The following SEPTIN11 variants were observed in gnomAD, a reference collection of about 807,000 sequenced individuals.
The protein encoded by SEPTIN11 is septin-11.
SEPTIN11 carries 25 observed loss-of-function variants against 51.4 expected under a neutral mutation model. That is an observed-to-expected ratio of 0.49 (90% CI 0.35 to 0.68). The LOEUF is 0.68. Ranked by LOEUF, SEPTIN11 falls within the 30% of genes least tolerant of loss-of-function variation. SEPTIN11 has a pLI of 0.00. For synonymous variants in SEPTIN11, 174 were observed against 184.1 expected (o/e 0.95, Z 0.44); for missense variants, 381 against 520.8 (o/e 0.73, Z 2.61).
At chr4:77,016,583 C>CATATATATACACACACAT (rs1560735900) in intron 5 of SEPTIN11, among the ~76,000 whole-genome samples, 71 of 90,496 alleles carry the variant, frequency 7.8e-4, no homozygotes, top group African/African-American at 2.4e-3. Flanking sequence ...ATATATATAG[C>CATATATATACACACACAT]ATATATATAC....
At chr4:77,004,638 C>T (rs911018514) in intron 2 of SEPTIN11, among the ~76,000 whole-genome samples, 4 of 152,126 alleles carry the variant, frequency 2.6e-5, no homozygotes, top group African/African-American at 9.7e-5. Flanking sequence ...AACAGTAGTA[C>T]CTATTTCATG....
At chr4:77,034,203 A>G (rs967470903) in intron 9 of SEPTIN11, among the ~76,000 whole-genome samples, 1 of 152,240 alleles carries the variant, frequency 6.6e-6, no homozygotes, top group African/African-American at 2.4e-5. Context: ...GAGAAAACAA[A>G]AGCCAAACAG....
chr4:77,011,158 A>G (rs1724834603), intron 3 of SEPTIN11, among the ~76,000 whole-genome samples: 1 of 152,134 alleles, frequency 6.6e-6, no homozygotes, highest in African/African-American at 2.4e-5. Flanking sequence ...GACAGCCCCC[A>G]TCTCTGGAGG....
rs1553966571 is a variant in SEPTIN11 at position 76,956,962 on chromosome 4, A to ATGTGTGTGTGTGTT, written c.27+7045_27+7046insTTGTGTGTGTGTGT. Among the ~76,000 whole-genome samples the ATGTGTGTGTGTGTT allele has an allele frequency of 1.5e-3, 180 of 119,196 alleles. 1 individual carries two copies. The Middle Eastern group carries it at 0.016, about 11-fold the overall frequency. The allele number at this position is 119,196 out of a possible 152,430, so 78.2% of individuals were successfully genotyped here. On this transcript the variant is annotated intron_variant, in intron 1 of 9. Coordinates refer to ENST00000264893, the MANE Select transcript of SEPTIN11 (RefSeq NM_018243.4). ...GATTCTAGCTGGGCATAGTAGAATG[A>ATGTGTGTGTGTGTT]TGTGTGTGTGTGTGTGTGTGTGTGT...
Position 77,034,704 on chromosome 4 carries a change from C to T in SEPTIN11, c.*192C>T, listed in dbSNP as rs929669920. On this transcript the variant is annotated 3_prime_UTR_variant, in exon 10 of 10. Coordinates refer to ENST00000264893, the MANE Select transcript of SEPTIN11 (RefSeq NM_018243.4). The stretch of plus-strand genomic sequence containing the variant: ...GAAAATGATAGAACAAGGGAATAAC[C>T]GCGAATGCTCTGTGCAGCTGGACTC... The T allele has an allele frequency of 5.6e-5, 73 of 1,306,562 alleles. No homozygotes were observed. The highest frequency in any genetic ancestry group is 1.6e-4 in the Admixed American group (4 of 24,334). The allele number at this position is 1,306,562 out of a possible 1,614,324, so 80.9% of individuals were successfully genotyped here. A position where few individuals can be genotyped will look rare whatever the true frequency, so the allele number is the denominator to read the frequency against.
intron 1 of SEPTIN11, among the ~76,000 whole-genome samples, chr4:76,994,597 A>G (rs372234652): frequency 2.0e-5 from 3 of 152,208 alleles, no homozygotes; most frequent in African/African-American, 4.8e-5. Flanking sequence ...ATTGACCTCA[A>G]ATCTGCAGCT....
intron 1 of SEPTIN11, among the ~76,000 whole-genome samples, chr4:76,959,550 C>A (rs1721732571): frequency 6.6e-6 from 1 of 151,862 alleles, no homozygotes; most frequent in African/African-American, 2.4e-5. Context: ...ATCTATAGTG[C>A]CTATTTTGTT....
chr4:77,005,248 T>C (rs1010012302), intron 2 of SEPTIN11, among the ~76,000 whole-genome samples: 1 of 152,238 alleles, frequency 6.6e-6, no homozygotes, highest in Non-Finnish European at 1.5e-5. Flanking sequence ...AGATTTATAC[T>C]CTAACATTTA....
intron 1 of SEPTIN11, among the ~76,000 whole-genome samples, chr4:76,995,055 C>A (rs1343467614): frequency 6.7e-6 from 1 of 149,296 alleles, no homozygotes; most frequent in Non-Finnish European, 1.5e-5. Context: ...CCACTGCACT[C>A]CAGCCTGAGT....
At position 77,036,904 on chromosome 4, in the gene SEPTIN11, A is replaced by G; in HGVS notation, c.*2392A>G. 1 of 1,363,230 alleles carries G rather than the reference A, an allele frequency of 7.3e-7. No homozygotes were observed. Among genetic ancestry groups the G allele is most frequent in the Non-Finnish European group, 9.4e-7 (1 of 1,063,664 alleles). The allele number at this position is 1,363,230 out of a possible 1,614,324, so 84.4% of individuals were successfully genotyped here. ...TTCAAAATTAGAGAAAGCAAATGGG[A>G]TGGATAGATTTTTTTTTTCTTTTCA... On this transcript the variant is annotated 3_prime_UTR_variant, in exon 10 of 10. Transcript: ENST00000264893.
At chr4:76,968,122 C>T (rs963499998) in intron 1 of SEPTIN11, among the ~76,000 whole-genome samples, 12 of 152,152 alleles carry the variant, frequency 7.9e-5, no homozygotes, top group Non-Finnish European at 1.5e-5. Context: ...GTTCCAATGA[C>T]AGTTAATGGC....
At chr4:77,019,407 G>A (rs574428377) in intron 6 of SEPTIN11, 146 bp downstream of exon 6, 12 of 583,398 alleles carry the variant, frequency 2.1e-5, no homozygotes, top group African/African-American at 1.1e-4. Context: ...TGTGACAATC[G>A]TGGAGGTGAG....
Position 77,005,721 on chromosome 4 carries a change from A to G in SEPTIN11, c.263A>G (p.Gln88Arg). 6.2e-7 allele frequency: 1 copy of G among 1,614,104 alleles called. No homozygotes were observed. Among genetic ancestry groups the G allele is most frequent in the Admixed American group, 1.7e-5 (1 of 60,024 alleles). ...TTAAAAGCCAGAAGTTATGAGCTTC[A>G]GGAAAGCAATGTACGGCTGAAGTTA... is the stretch of plus-strand genomic sequence containing the variant. ...VRLKARSYEL[Q>R]ESNVRLKLTI... Residue 88 changes from glutamine to arginine, a missense_variant, in exon 3 of 10, where the codon CAG becomes CGG. Physicochemically the swap from Gln to Arg is conservative, Grantham distance 43. Around this residue, in one of 2 missense-constraint regions of SEPTIN11, gnomAD observed 184 missense variants for 207.7 expected, o/e 0.89. Coordinates refer to ENST00000264893, the MANE Select transcript of SEPTIN11 (RefSeq NM_018243.4).
chr4:76,995,681 T>G (rs1200091464), intron 1 of SEPTIN11: 3 of 1,103,656 alleles, frequency 2.7e-6, no homozygotes, highest in Non-Finnish European at 3.7e-6. Flanking sequence ...GGGCAGCCAG[T>G]ACCATTTTAT....
In SEPTIN11 at chr4:77,011,627, G is replaced by C. The variant is rs1055337645; in HGVS notation, c.339-108G>C. ...ATGGAAGGCCTGGATACCTAGGTAAGGACTTGGGCTTTAGCCCTTAGGAGA... is the reference window on the plus strand; with the variant it reads ...ATGGAAGGCCTGGATACCTAGGTAACGACTTGGGCTTTAGCCCTTAGGAGA... On this transcript the variant is annotated intron_variant, in intron 3 of 9. Coordinates refer to ENST00000264893, the MANE Select transcript of SEPTIN11 (RefSeq NM_018243.4). 4 of 997,772 alleles carry C rather than the reference G, an allele frequency of 4.0e-6. No homozygotes were observed. In the African/African-American group the frequency reaches 6.5e-5, roughly 16 times the overall value. The allele number at this position is 997,772 out of a possible 1,614,324, so 61.8% of individuals were successfully genotyped here.
intron 1 of SEPTIN11, among the ~76,000 whole-genome samples, chr4:76,975,178 T>C (rs1166403887): frequency 1.3e-5 from 2 of 151,814 alleles, no homozygotes; most frequent in African/African-American, 2.4e-5. Flanking sequence ...AAAAGGCTTA[T>C]TGAACACAGC....
chr4:76,969,203 A>T (rs1428848340), intron 1 of SEPTIN11, among the ~76,000 whole-genome samples: 1 of 152,148 alleles, frequency 6.6e-6, no homozygotes, highest in East Asian at 1.9e-4. Context: ...ATAGTTTCAT[A>T]TGTAGTTCTT....
rs560827906 is a variant in SEPTIN11, at chr4:76,995,204, AAACC to A, written c.28-1220_28-1217del. The stretch of plus-strand genomic sequence containing the variant: ...CAAGACCAGCCTGGCTAACATGGTG[AAACC>A]CTGTCTCTACTAAACATACAAAAAT... On this transcript the variant is annotated intron_variant, in intron 1 of 9. Transcript: ENST00000264893. Among the ~76,000 whole-genome samples, 580 of 151,468 alleles carry A rather than the reference AAACC, an allele frequency of 3.8e-3. 11 individuals are homozygous for A. Among genetic ancestry groups the A allele is most frequent in the Admixed American group, 0.032 (483 of 15,212 alleles).
rs745370470 is a variant in SEPTIN11 at position 77,014,851 on chromosome 4, T to C, written c.526-5T>C. 3.7e-6 allele frequency: 6 copies of C among 1,613,590 alleles called. No homozygotes were observed. In the South Asian group the frequency reaches 6.6e-5, roughly 18 times the overall value. ...TGTGTAAAAATGGACGTGTCTGTTT[T>C]ACAGGTGAACATCATTCCAATAATT... On this transcript the variant is annotated splice_region_variant and splice_polypyrimidine_tract_variant and intron_variant, in intron 4 of 9. Transcript: ENST00000264893.
Sources: gnomAD v4.1 joint callset for allele counts (sites outside exome capture counted in the v4.1 genomes callset) on GRCh38, gnomAD v4.1.1 for gene constraint, gnomAD v4.1.1 regional missense constraint, MANE v1.5 for transcripts, NCBI Gene and HGNC (gene_info 2026-07-23, HGNC 2026-07-21) for gene names.